Variants in CXCL13 observed in about 807,000 individuals in gnomAD.
CXCL13 encodes C-X-C motif chemokine 13.
A neutral mutation model predicts 12.2 loss-of-function variants in CXCL13; 7 were observed. That is an observed-to-expected ratio of 0.57 (90% CI 0.33 to 1.07). CXCL13 has a LOEUF of 1.07. CXCL13 is among the 50% of genes least tolerant of loss of function. The pLI, the probability that CXCL13 is intolerant of heterozygous loss-of-function variation, is 0.04. For missense variants in CXCL13, 113 were observed against 127.4 expected, an observed-to-expected ratio of 0.89 and a Z score of 0.55; for synonymous variants, 47 against 42.4, an observed-to-expected ratio of 1.11 and a Z score of -0.42.
chr4:77,546,652 T>C (rs1233722901), intron 1 of CXCL13, among the ~76,000 whole-genome samples: 1 of 152,112 alleles, frequency 6.6e-6, no homozygotes, highest in African/African-American at 2.4e-5. Context: ...TTATTAGTCT[T>C]GCTAGCGGTC....
chr4:77,590,115 C>T lies in CXCL13; in HGVS notation c.-42-15709C>T, dbSNP rs116411560. ...AGAGGAGTTCCAAGGTAGTCAGAGA[C>T]GTTTGTACTGCGTGGCTCCGGGAAA... On this transcript the variant is annotated intron_variant, in intron 1 of 4. Transcript: ENST00000286758. Among the ~76,000 whole-genome samples the T allele has an allele frequency of 4.8e-3, 728 of 152,178 alleles. 11 individuals are homozygous for T. Among genetic ancestry groups the T allele is most frequent in the African/African-American group, 0.017 (701 of 41,518 alleles).
Position 77,544,145 on chromosome 4 carries a change from A to G in CXCL13, c.-43+32357A>G, listed in dbSNP as rs576556235. Among the ~76,000 whole-genome samples the G allele has an allele frequency of 2.1e-3, 325 of 152,276 alleles. 2 individuals are homozygous for G. Among genetic ancestry groups the G allele is most frequent in the African/African-American group, 7.5e-3 (313 of 41,548 alleles). On this transcript the variant is annotated intron_variant, in intron 1 of 4. Coordinates refer to the CXCL13 transcript ENST00000286758. ...CAACATTTTCTTAATCCAGTCTATC[A>G]TTGATAGACATTTGGGTTGGTTCCA... is the stretch of plus-strand genomic sequence containing the variant.
intron 1 of CXCL13, among the ~76,000 whole-genome samples, chr4:77,523,786 A>G (rs1434356697): frequency 2.0e-5 from 3 of 152,176 alleles, no homozygotes; most frequent in African/African-American, 7.2e-5. Context: ...GGAGGAGAAG[A>G]GGTCCTCTGG....
At chr4:77,533,834 A>G (rs1724990477) in intron 1 of CXCL13, among the ~76,000 whole-genome samples, 2 of 152,232 alleles carry the variant, frequency 1.3e-5, no homozygotes, top group Non-Finnish European at 2.9e-5. Context: ...CCTCTGAGCC[A>G]TGCACGGGAT....
Position 77,522,514 on chromosome 4 carries a change from C to CTTTTTTT in CXCL13, c.-43+10750_-43+10756dup, listed in dbSNP as rs777857811. The stretch of plus-strand genomic sequence containing the variant: ...TCAGAGACTAGGACTGCAACCCCTG[C>CTTTTTTT]TTTTTTTTTTTTTTTTTTTTTTTTT... On this transcript the variant is annotated intron_variant, in intron 1 of 4. Transcript: ENST00000286758. 5.6e-3 allele frequency among the ~76,000 whole-genome samples: 57 copies of CTTTTTTT among 10,090 alleles called. 12 individuals are homozygous for CTTTTTTT. Among genetic ancestry groups the CTTTTTTT allele is most frequent in the African/African-American group, 8.2e-3 (21 of 2,556 alleles). 6.6% of individuals were successfully genotyped at this position (10,090 alleles called of 152,430 possible).
At chr4:77,583,946 T>G (rs1726394180) in intron 1 of CXCL13, among the ~76,000 whole-genome samples, 1 of 151,850 alleles carries the variant, frequency 6.6e-6, no homozygotes, top group African/African-American at 2.4e-5. Flanking sequence ...TGGGACACTC[T>G]TTCCCTCTAA....
intron 1 of CXCL13, among the ~76,000 whole-genome samples, chr4:77,549,972 C>T (rs1340687876): frequency 6.6e-6 from 1 of 152,230 alleles, no homozygotes; most frequent in Non-Finnish European, 1.5e-5. Context: ...GCAGGCAGAC[C>T]TCCTTGAGCT....
At chr4:77,549,610 T>C (rs1725458608) in intron 1 of CXCL13, among the ~76,000 whole-genome samples, 1 of 152,206 alleles carries the variant, frequency 6.6e-6, no homozygotes, top group East Asian at 1.9e-4. Context: ...TGCAGTTCTT[T>C]TGGAGTTTGC....
rs1171687778 is a variant in CXCL13 at position 77,575,129 on chromosome 4, A to G, written c.-42-30695A>G. Among the ~76,000 whole-genome samples, 9 of 152,034 alleles carry G rather than the reference A, an allele frequency of 5.9e-5. No homozygotes were observed. In the South Asian group the frequency reaches 1.0e-3, roughly 18 times the overall value. ...CTGTAAATTAAGCATTGAAATAAAA[A>G]CACAGGGTACTCTTAAGGCACTAAT... On this transcript the variant is annotated intron_variant, in intron 1 of 4. Transcript: ENST00000286758.
chr4:77,530,418 G>T (rs528457374), intron 1 of CXCL13, among the ~76,000 whole-genome samples: 1 of 151,178 alleles, frequency 6.6e-6, no homozygotes, highest in East Asian at 1.9e-4. Flanking sequence ...GACTTTTTTT[G>T]GTTGGTAAGC....
intron 1 of CXCL13, among the ~76,000 whole-genome samples, chr4:77,536,964 G>A (rs1398762106): frequency 1.3e-5 from 2 of 151,962 alleles, no homozygotes; most frequent in East Asian, 3.9e-4. Flanking sequence ...CTTTGAAGTA[G>A]GTCTATTACT....
intron 1 of CXCL13, among the ~76,000 whole-genome samples, chr4:77,598,658 T>C (rs1448816328): frequency 6.6e-6 from 1 of 152,162 alleles, no homozygotes; most frequent in East Asian, 1.9e-4. Context: ...AGAGGCAATA[T>C]AGTAGAGTGG....
chr4:77,591,786 C>T (rs901499340), intron 1 of CXCL13, among the ~76,000 whole-genome samples: 1 of 152,224 alleles, frequency 6.6e-6, no homozygotes, highest in Non-Finnish European at 1.5e-5. Context: ...CCATTCACCA[C>T]TGTGGCCCTG....
chr4:77,516,979 T>A (rs1340399121), intron 1 of CXCL13, among the ~76,000 whole-genome samples: 1 of 152,216 alleles, frequency 6.6e-6, no homozygotes, highest in East Asian at 1.9e-4. Flanking sequence ...CTGCTTTGAA[T>A]GTGTCCCAGA....
chr4:77,597,876 G>A (rs1201110110), intron 1 of CXCL13, among the ~76,000 whole-genome samples: 2 of 152,208 alleles, frequency 1.3e-5, no homozygotes, highest in East Asian at 3.8e-4. Context: ...AAAAGACTAG[G>A]AGAGGTGAGA....
chr4:77,561,116 A>G (rs1725800362), intron 1 of CXCL13, among the ~76,000 whole-genome samples: 1 of 152,148 alleles, frequency 6.6e-6, no homozygotes, highest in South Asian at 2.1e-4. Flanking sequence ...TAAACCTTAT[A>G]TTTTCCAGGG....
chr4:77,577,970 T>C (rs1305852102), intron 1 of CXCL13, among the ~76,000 whole-genome samples: 2 of 152,166 alleles, frequency 1.3e-5, no homozygotes, highest in Non-Finnish European at 2.9e-5. Context: ...GTCTCCATAC[T>C]ATGCGACACT....
intron 1 of CXCL13, among the ~76,000 whole-genome samples, chr4:77,587,037 G>A (rs529141299): frequency 3.3e-5 from 5 of 152,310 alleles, no homozygotes; most frequent in East Asian, 1.9e-4. Context: ...AGTATGGGGC[G>A]GCTGCTGCTT....
At chr4:77,536,631 G>T (rs1479674009) in intron 1 of CXCL13, among the ~76,000 whole-genome samples, 1 of 152,204 alleles carries the variant, frequency 6.6e-6, no homozygotes, top group African/African-American at 2.4e-5. Context: ...CTGGGTAAGA[G>T]TAAATACTCC....
Sources: allele counts gnomAD v4.1 joint callset (sites outside exome capture counted in the v4.1 genomes callset), GRCh38; gene constraint gnomAD v4.1.1; transcripts MANE v1.5; gene names NCBI Gene and HGNC (gene_info 2026-07-23, HGNC 2026-07-21).